The following DDOST variants were observed in gnomAD, a reference collection of about 807,000 sequenced individuals.
The protein encoded by DDOST is dolichyl-diphosphooligosaccharide--protein glycosyltransferase 48 kDa subunit.
Under a neutral mutation model 47.6 loss-of-function variants are expected in DDOST, and 25 were observed. The observed-to-expected ratio is 0.53, with a 90% confidence interval of 0.38 to 0.73. The LOEUF is 0.73. DDOST is among the 30% of genes least tolerant of loss of function. The pLI is 0.00. For synonymous variants in DDOST, 275 were observed against 236.0 expected, an observed-to-expected ratio of 1.17 and a Z score of -1.51; for missense variants, 526 against 573.9, an observed-to-expected ratio of 0.92 and a Z score of 0.85.
intron 5 of DDOST, among the ~76,000 whole-genome samples, 154 bp from the exon 6 acceptor site, chr1:20,654,861 GTT>G (rs2053350556): frequency 1.0e-5 from 1 of 96,932 alleles, no homozygotes; most frequent in Non-Finnish European, 2.3e-5. Context: ...AGTCTGACTT[GTT>G]TTTGTTTTTG....
rs771926276 is a variant in DDOST, at chr1:20,655,573, G to C, written c.457-39C>G. On this transcript the variant is annotated intron_variant, in intron 4 of 10. Transcript: ENST00000602624. ...ATGGAAAGGTGGGTGGTCAGGAAAAGGTTCCCCAAGCCAGGGAGAACCTCC... is the reference window on the plus strand; with the variant it reads ...ATGGAAAGGTGGGTGGTCAGGAAAACGTTCCCCAAGCCAGGGAGAACCTCC... 4.4e-6 allele frequency: 7 copies of C among 1,604,812 alleles called. No individual in the cohort carries two copies. The East Asian group carries it at 6.7e-5, about 15-fold the overall frequency.
chr1:20,654,687 T>C lies in DDOST; in HGVS notation c.572A>G (p.Asn191Ser). The change falls in exon 6 of 11, where the codon AAC (asparagine) becomes AGC (serine). Residue 191 changes from asparagine to serine, a missense_variant. Transcript: ENST00000602624. Reference protein sequence around the residue: ...RGVGMVADPDNPLVLDILTGS... With the variant: ...RGVGMVADPDSPLVLDILTGS... ...CGTCAGGATGTCCAGCACCAAAGGG[T>C]TATCAGGATCGGCCACCATCCTGCA... 2 of 1,559,492 alleles carry C rather than the reference T, an allele frequency of 1.3e-6. No individual in the cohort carries two copies. Among genetic ancestry groups the C allele is most frequent in the Non-Finnish European group, 1.7e-6 (2 of 1,150,778 alleles).
At chr1:20,654,532 A>G in intron 6 of DDOST, 82 bp downstream of exon 6, 1 of 1,403,944 alleles carries the variant, frequency 7.1e-7, no homozygotes, top group South Asian at 1.2e-5. Flanking sequence ...CACCCCACCA[A>G]CTAGTCATTT....
Position 20,652,360 on chromosome 1 carries a change from C to G in DDOST, c.*19G>C. On this transcript the variant is annotated 3_prime_UTR_variant, in exon 11 of 11. Transcript: ENST00000602624. ...CTCCTTGCCCCGTCTCCACGCTGTG[C>G]GGAGAGGGCTCTAGCCCCTCAGTCG... The G allele has an allele frequency of 6.3e-7, 1 of 1,596,844 alleles. No homozygotes were observed.
chr1:20,654,871 T>C (rs529670053), intron 5 of DDOST, among the ~76,000 whole-genome samples, 164 bp from the exon 6 acceptor site: 2 of 152,266 alleles, frequency 1.3e-5, no homozygotes, highest in East Asian at 3.9e-4. Context: ...GTTTTTGTTT[T>C]TGTTTTTCAG....
rs781007641 is a variant in DDOST, at chr1:20,656,122, C to T, written c.331G>A (p.Val111Ile). The T allele has an allele frequency of 1.2e-6, 2 of 1,614,088 alleles. No individual in the cohort carries two copies. The highest frequency in any genetic ancestry group is 1.6e-4 in the Middle Eastern group (1 of 6,062). Residue 111 changes from valine to isoleucine, a missense_variant, in exon 3 of 11, where the codon GTA (valine) becomes ATA (isoleucine). Val to Ile is a conservative substitution (Grantham distance 29, BLOSUM62 3). Coordinates refer to ENST00000602624, the MANE Select transcript of DDOST (RefSeq NM_005216.5). ...TCACCAATGTCGGAGCTGGCAGCTA[C>T]CAGCACACTGCCTCCGCCGTCAATA... ...AFIDGGGSVL[V>I]AASSDIGDPL... is the part of the protein sequence containing the mutation.
rs981421392 is a variant in DDOST, at chr1:20,652,151, G to GT, written c.*227dup. ...CGTCCCTATTTTAGAAATGAGAGGA[G>GT]TGACTGCACATAGGAAAAATGCCAC... On this transcript the variant is annotated 3_prime_UTR_variant, in exon 11 of 11. Coordinates refer to ENST00000602624, the MANE Select transcript of DDOST (RefSeq NM_005216.5). 4.6e-6 allele frequency: 2 copies of GT among 435,652 alleles called. No homozygotes were observed. The highest frequency in any genetic ancestry group is 8.1e-6 in the Non-Finnish European group (2 of 246,758). 27.0% of individuals were successfully genotyped at this position (435,652 alleles called of 1,614,324 possible).
intron 8 of DDOST, 48 bp downstream of exon 8, chr1:20,653,579 G>T (rs2053323965): frequency 6.6e-7 from 1 of 1,523,622 alleles, no homozygotes; most frequent in Admixed American, 2.1e-5. Context: ...GCTGAGCTCA[G>T]TCAGCTTGGC....
chr1:20,653,652 T>A lies in DDOST; in HGVS notation c.917A>T (p.Asn306Ile). 6.2e-7 allele frequency: 1 copy of A among 1,611,406 alleles called. No homozygotes were observed. The change falls in exon 8 of 11, where the codon AAT becomes ATT. Residue 306 changes from asparagine (N) to isoleucine (I), a missense_variant. Transcript: ENST00000602624. ...HHRVGETAPP[N>I]AYTVTDLVEY... ...CACTAGGTCAGTGACAGTGTAGGCATTGGGTGGGGCTGTCTCGCCCACCCG... is the reference window on the plus strand; with the variant it reads ...CACTAGGTCAGTGACAGTGTAGGCAATGGGTGGGGCTGTCTCGCCCACCCG...
chr1:20,657,047 GGTT>G (rs1557573125), intron 2 of DDOST, among the ~76,000 whole-genome samples: 1 of 152,242 alleles, frequency 6.6e-6, no homozygotes, highest in African/African-American at 2.4e-5. Context: ...CTTGTGCCAA[GGTT>G]GTTTAAGGAA....
At chr1:20,657,195 G>A (rs1232966905) in intron 2 of DDOST, among the ~76,000 whole-genome samples, 1 of 152,240 alleles carries the variant, frequency 6.6e-6, no homozygotes, top group African/African-American at 2.4e-5. Context: ...GGGGCCCAGT[G>A]TGGCTTAGCT....
chr1:20,657,866 C>T (rs541555894), intron 2 of DDOST, among the ~76,000 whole-genome samples: 1 of 152,210 alleles, frequency 6.6e-6, no homozygotes, highest in Non-Finnish European at 1.5e-5. Context: ...ATTCCAAAAG[C>T]AGCCTATTGG....
At chr1:20,660,585 T>C (rs1376044867) in intron 2 of DDOST, 1 of 230,024 alleles carries the variant, frequency 4.3e-6, no homozygotes, top group Non-Finnish European at 8.6e-6. Context: ...CCAGGAGCTT[T>C]CCATCTTTTT....
Position 20,654,203 on chromosome 1 carries a change from C to G in DDOST, c.794+20G>C. 6.5e-7 allele frequency: 1 copy of G among 1,550,040 alleles called. No homozygotes were observed. Among genetic ancestry groups the G allele is most frequent in the Non-Finnish European group, 8.7e-7 (1 of 1,146,878 alleles). Reference sequence around the variant, plus strand: ...ACTGCACCACCCGGATCCCCGGCCCCTAAGCCTCCTGGCAGCTACCTCTGG... The same window carrying G: ...ACTGCACCACCCGGATCCCCGGCCCGTAAGCCTCCTGGCAGCTACCTCTGG... On this transcript the variant is annotated intron_variant, in intron 7 of 10. Coordinates refer to ENST00000602624, the MANE Select transcript of DDOST (RefSeq NM_005216.5).
chr1:20,652,873 C>A lies in DDOST; in HGVS notation c.1041G>T (p.Val347=). The change falls in exon 9 of 11, where the codon GTG becomes GTT. Residue 347 remains valine (V), a synonymous_variant. Coordinates refer to ENST00000602624, the MANE Select transcript of DDOST (RefSeq NM_005216.5). ...CACCTTTCTTCTTCAGGAAGGTCCTCACAAAAGGATCAATGCGGACAAACT... is the reference window on the plus strand; with the variant it reads ...CACCTTTCTTCTTCAGGAAGGTCCTAACAAAAGGATCAATGCGGACAAACT... ...QLEFVRIDPF[V]RTFLKKKGGK... is the part of the protein sequence containing the mutation. The A allele has an allele frequency of 2.5e-6, 4 of 1,614,198 alleles. No homozygotes were observed. The highest frequency in any genetic ancestry group is 3.4e-6 in the Non-Finnish European group (4 of 1,180,042).
chr1:20,654,841 A>T (rs1474318094), intron 5 of DDOST, 134 bp from the exon 6 acceptor site: 18 of 649,474 alleles, frequency 2.8e-5, no homozygotes, highest in Middle Eastern at 3.5e-4. Flanking sequence ...TTGTCTTGAT[A>T]TAACAATGGA....
chr1:20,659,788 A>G (rs1350396588), intron 2 of DDOST, among the ~76,000 whole-genome samples: 7 of 152,150 alleles, frequency 4.6e-5, no homozygotes, highest in Admixed American at 2.6e-4. Flanking sequence ...TAAAGAAGCC[A>G]TGTCCCAGTT....
chr1:20,652,911 C>T lies in DDOST; in HGVS notation c.1003G>A (p.Asp335Asn). The T allele has an allele frequency of 6.2e-7, 1 of 1,614,230 alleles. No homozygotes were observed. The highest frequency in any genetic ancestry group is 8.5e-7 in the Non-Finnish European group (1 of 1,180,040). Residue 335 changes from aspartate to asparagine, a missense_variant, in exon 9 of 11, where the codon GAC becomes AAC. Transcript: ENST00000602624. ...NGKWVPFDGD[D>N]IQLEFVRIDP... ...ATGCGGACAAACTCCAGCTGAATGT[C>T]ATCGCCATCAAAGGGGACCCATTTG...
At position 20,661,344 on chromosome 1, in the gene DDOST, G is replaced by A. The variant is rs752893791; in HGVS notation, c.7C>T (p.Pro3Ser). The A allele has an allele frequency of 1.3e-5, 21 of 1,613,010 alleles. No individual in the cohort carries two copies. The South Asian group carries it at 2.3e-4, about 18-fold the overall frequency. ME[P>S]STAARAWALF... is the part of the protein sequence containing the mutation. ...GCCCAAGCCCGGGCCGCGGTGCTGG[G>A]CTCCATCTTCCTCCTCCTGCCGAAG... The change falls in exon 1 of 11, where the codon CCC (proline) becomes TCC (serine). Residue 3 changes from proline to serine, a missense_variant. Transcript: ENST00000602624.
Sources: allele counts gnomAD v4.1 joint callset (sites outside exome capture counted in the v4.1 genomes callset), GRCh38; gene constraint gnomAD v4.1.1; transcripts MANE v1.5; gene names NCBI Gene and HGNC (gene_info 2026-07-23, HGNC 2026-07-21).